Variants in RGS7BP observed in about 807,000 individuals in gnomAD.
RGS7BP encodes regulator of G protein signaling 7 binding protein, also known as regulator of G protein signaling 7-binding protein.
A neutral mutation model predicts 31.3 loss-of-function variants in RGS7BP; 9 were observed. That is an observed-to-expected ratio of 0.29 (90% CI 0.17 to 0.50). The LOEUF is 0.50. Ranked by LOEUF, RGS7BP falls within the 20% of genes least tolerant of loss-of-function variation. The pLI, the probability that RGS7BP is intolerant of heterozygous loss-of-function variation, is 0.98. For missense variants in RGS7BP, 274 were observed against 322.0 expected, an observed-to-expected ratio of 0.85 and a Z score of 1.14; for synonymous variants, 115 against 120.1, an observed-to-expected ratio of 0.96 and a Z score of 0.28.
chr5:64,579,142 T>C lies in RGS7BP; in HGVS notation c.463+3238T>C, dbSNP rs114923898. On this transcript the variant is annotated intron_variant, in intron 3 of 5. Transcript: ENST00000334025. ...CTAGCTGTCCTATAGACTGTTACTT[T>C]TCTCTTGGTACCAGTAGAGTTAAGG... 5.0e-3 allele frequency among the ~76,000 whole-genome samples: 763 copies of C among 152,284 alleles called. 7 individuals carry two copies. Among genetic ancestry groups the C allele is most frequent in the African/African-American group, 0.014 (595 of 41,568 alleles).
At chr5:64,546,794 A>G (rs1741669993) in intron 2 of RGS7BP, among the ~76,000 whole-genome samples, 1 of 152,218 alleles carries the variant, frequency 6.6e-6, no homozygotes, top group African/African-American at 2.4e-5. Flanking sequence ...TATGTACAGT[A>G]AAGCAAGTCA....
chr5:64,597,685 G>A (rs1743110445), intron 4 of RGS7BP, among the ~76,000 whole-genome samples: 1 of 151,662 alleles, frequency 6.6e-6, no homozygotes, highest in South Asian at 2.1e-4. Flanking sequence ...ACTTGTAAGT[G>A]GGAGCTAAAT....
intron 2 of RGS7BP, among the ~76,000 whole-genome samples, chr5:64,545,555 C>T (rs1313974455): frequency 6.6e-6 from 1 of 151,974 alleles, no homozygotes; most frequent in South Asian, 2.1e-4. Flanking sequence ...GAAAAGGGGG[C>T]AAAACTTAGG....
chr5:64,521,902 T>A (rs1192257453), intron 2 of RGS7BP, among the ~76,000 whole-genome samples: 1 of 152,216 alleles, frequency 6.6e-6, no homozygotes, highest in Non-Finnish European at 1.5e-5. Context: ...AATGGATACA[T>A]TCCTACAGAG....
intron 2 of RGS7BP, among the ~76,000 whole-genome samples, chr5:64,566,634 T>A (rs1742176171): frequency 6.6e-6 from 1 of 151,980 alleles, no homozygotes; most frequent in Admixed American, 6.6e-5. Flanking sequence ...ACTATTAAAA[T>A]GAGCAAAAGG....
At chr5:64,558,907 A>G (rs1327536288) in intron 2 of RGS7BP, among the ~76,000 whole-genome samples, 1 of 152,168 alleles carries the variant, frequency 6.6e-6, no homozygotes, top group Non-Finnish European at 1.5e-5. Context: ...GCTTGCTAGG[A>G]TTAGGAAATT....
intron 3 of RGS7BP, among the ~76,000 whole-genome samples, chr5:64,583,248 G>A (rs1172686680): frequency 6.6e-6 from 1 of 152,118 alleles, no homozygotes; most frequent in East Asian, 1.9e-4. Context: ...AATTAGCCAG[G>A]TGTGGTGGTG....
At chr5:64,569,344 T>C (rs927973346) in intron 2 of RGS7BP, among the ~76,000 whole-genome samples, 5 of 152,034 alleles carry the variant, frequency 3.3e-5, no homozygotes, top group Non-Finnish European at 7.4e-5. Context: ...TCATAAAAAC[T>C]CACTGGAGCA....
intron 2 of RGS7BP, among the ~76,000 whole-genome samples, chr5:64,538,546 C>CCTTT (rs1741442901): frequency 5.0e-5 from 2 of 40,026 alleles, no homozygotes; most frequent in African/African-American, 1.1e-4. Context: ...TTTTCCTTTT[C>CCTTT]TTTTTTTTTT....
chr5:64,521,377 C>T (rs753751979), intron 2 of RGS7BP, among the ~76,000 whole-genome samples: 6 of 152,272 alleles, frequency 3.9e-5, no homozygotes, highest in Middle Eastern at 3.4e-3. Flanking sequence ...CTGCCTCAGC[C>T]TCCCAAGTAG....
At chr5:64,520,692 C>G (rs1161878854) in intron 2 of RGS7BP, among the ~76,000 whole-genome samples, 2 of 152,224 alleles carry the variant, frequency 1.3e-5, no homozygotes, top group Non-Finnish European at 2.9e-5. Context: ...AATCGACCTA[C>G]TTTTTCCCAG....
chr5:64,603,998 C>T (rs1447420849), intron 5 of RGS7BP, among the ~76,000 whole-genome samples: 1 of 152,108 alleles, frequency 6.6e-6, no homozygotes, highest in Non-Finnish European at 1.5e-5. Flanking sequence ...GGAGGGAGGA[C>T]TTTTCTGAAA....
chr5:64,602,253 A>G (rs1238741791), intron 5 of RGS7BP, among the ~76,000 whole-genome samples: 1 of 152,204 alleles, frequency 6.6e-6, no homozygotes, highest in Non-Finnish European at 1.5e-5. Context: ...CCTTCCCCCA[A>G]GGGCCTCGTA....
intron 2 of RGS7BP, among the ~76,000 whole-genome samples, chr5:64,552,816 A>G (rs1383100754): frequency 6.6e-6 from 1 of 152,116 alleles, no homozygotes; most frequent in Non-Finnish European, 1.5e-5. Context: ...GGCTCAAGTA[A>G]CCCTCCTGCC....
At chr5:64,586,183 G>A (rs959367416) in intron 3 of RGS7BP, among the ~76,000 whole-genome samples, 1 of 152,118 alleles carries the variant, frequency 6.6e-6, no homozygotes, top group African/African-American at 2.4e-5. Flanking sequence ...TGATGCTGGG[G>A]ATGAAGAACT....
intron 5 of RGS7BP, among the ~76,000 whole-genome samples, chr5:64,599,830 G>A (rs1035620610): frequency 1.3e-5 from 2 of 152,216 alleles, no homozygotes; most frequent in South Asian, 4.1e-4. Flanking sequence ...TTTAACTTCT[G>A]CAAATGTATT....
At chr5:64,543,087 T>A (rs1741565334) in intron 2 of RGS7BP, among the ~76,000 whole-genome samples, 1 of 152,230 alleles carries the variant, frequency 6.6e-6, no homozygotes, top group Non-Finnish European at 1.5e-5. Context: ...ATATATGATA[T>A]ATACAGGAAT....
At chr5:64,524,597 C>T (rs369911715) in intron 2 of RGS7BP, among the ~76,000 whole-genome samples, 50 of 152,130 alleles carry the variant, frequency 3.3e-4, no homozygotes, top group African/African-American at 1.2e-3. Flanking sequence ...TATTATATTG[C>T]TAATGCAATT....
At chr5:64,602,132 C>T (rs933498938) in intron 5 of RGS7BP, among the ~76,000 whole-genome samples, 5 of 152,182 alleles carry the variant, frequency 3.3e-5, no homozygotes, top group African/African-American at 9.6e-5. Context: ...AATCAGGACC[C>T]CCACATCCAG....
Sources: allele counts gnomAD v4.1 joint callset (sites outside exome capture counted in the v4.1 genomes callset), GRCh38; gene constraint gnomAD v4.1.1; transcripts MANE v1.5; gene names NCBI Gene and HGNC (gene_info 2026-07-23, HGNC 2026-07-21).